The following NBEA variants were observed in gnomAD, a reference collection of about 807,000 sequenced individuals.
NBEA encodes the protein neurobeachin, also known as lysosomal-trafficking regulator 2.
In NBEA, 44 loss-of-function variants were observed where a neutral mutation model predicts 343.4. The ratio of observed to expected loss-of-function variants is 0.13; its 90% CI spans 0.10 to 0.16. The LOEUF is 0.16. NBEA is among the 10% of genes least tolerant of loss of function. The probability of loss-of-function intolerance (pLI) is 1.00; values close to 1 mark genes in which losing one functional copy is unlikely to be tolerated. For missense variants in NBEA, 2,555 were observed against 3,631.3 expected, an observed-to-expected ratio of 0.70 and a Z score of 7.62; for synonymous variants, 1,175 against 1,238.7, an observed-to-expected ratio of 0.95 and a Z score of 1.08.
intron 10 of NBEA, among the ~76,000 whole-genome samples, chr13:35,079,594 C>CACTAATAAAAGTGTAGATAGTAT (rs2064281718): frequency 6.6e-6 from 1 of 152,102 alleles, no homozygotes; most frequent in South Asian, 2.1e-4. Context: ...CTTAGTATAC[C>CACTAATAAAAGTGTAGATAGTAT]ACTAATAAAA....
chr13:35,512,203 A>G (rs2077302484), intron 41 of NBEA, among the ~76,000 whole-genome samples: 1 of 152,214 alleles, frequency 6.6e-6, no homozygotes, highest in South Asian at 2.1e-4. Context: ...TCGTGAACCC[A>G]TAGCTTCCCA....
At chr13:34,958,946 C>G (rs2059578909) in intron 1 of NBEA, among the ~76,000 whole-genome samples, 1 of 152,154 alleles carries the variant, frequency 6.6e-6, no homozygotes, top group South Asian at 2.1e-4. Flanking sequence ...TATGTCAAAC[C>G]TTTCTTTTTC....
rs766372809 is a variant in NBEA, at chr13:35,156,146, T to C, written c.2591T>C (p.Val864Ala). 1 of 1,592,164 alleles carries C rather than the reference T, an allele frequency of 6.3e-7. No individual in the cohort carries two copies. Among genetic ancestry groups the C allele is most frequent in the Non-Finnish European group, 8.5e-7 (1 of 1,170,252 alleles). The stretch of plus-strand genomic sequence containing the variant: ...ACACCAAGTGCAGAGCTGATGGAAG[T>C]TCGTCGTTTATTTTTATCTGATATG... The part of the protein sequence containing the change: ...NSTPSAELME[V>A]RRLFLSDMIK... The change falls in exon 20 of 59, where the codon GTT becomes GCT. Residue 864 changes from valine (V) to alanine (A), a missense_variant. Coordinates refer to ENST00000379939, the MANE Select transcript of NBEA (RefSeq NM_001385012.1).
At chr13:35,617,387 A>C (rs1412659473) in intron 48 of NBEA, among the ~76,000 whole-genome samples, 1 of 152,218 alleles carries the variant, frequency 6.6e-6, no homozygotes, top group Non-Finnish European at 1.5e-5. Context: ...GAAATGGATC[A>C]CGTGTAGGAG....
chr13:35,204,794 CTA>C (rs1293296282), intron 31 of NBEA, among the ~76,000 whole-genome samples: 1 of 152,052 alleles, frequency 6.6e-6, no homozygotes, highest in Non-Finnish European at 1.5e-5. Flanking sequence ...TATGTTCACT[CTA>C]AAAAAATGTT....
chr13:35,041,217 A>G (rs1454634950), intron 2 of NBEA, 53 bp downstream of exon 2: 3 of 1,368,078 alleles, frequency 2.2e-6, no homozygotes, highest in East Asian at 2.4e-5. Flanking sequence ...AAAGTTTCAC[A>G]TACTTCTCTT....
At chr13:35,099,874 A>G (rs1442178384) in intron 11 of NBEA, among the ~76,000 whole-genome samples, 4 of 152,134 alleles carry the variant, frequency 2.6e-5, no homozygotes, top group Non-Finnish European at 4.4e-5. Flanking sequence ...TTTGAAAATT[A>G]AAGTGGGATT....
intron 10 of NBEA, among the ~76,000 whole-genome samples, chr13:35,098,086 A>G (rs1190646732): frequency 6.6e-6 from 1 of 152,162 alleles, no homozygotes; most frequent in Non-Finnish European, 1.5e-5. Context: ...GATTCAGTTT[A>G]TTATATTTAA....
chr13:35,440,039 G>T (rs1404086605), intron 39 of NBEA, among the ~76,000 whole-genome samples: 1 of 151,944 alleles, frequency 6.6e-6, no homozygotes. Flanking sequence ...GCCACCACGC[G>T]CAGCTAATTT....
chr13:35,002,236 G>T (rs1238846796), intron 1 of NBEA, among the ~76,000 whole-genome samples: 1 of 152,154 alleles, frequency 6.6e-6, no homozygotes, highest in African/African-American at 2.4e-5. Context: ...CTGTGGAAAG[G>T]TCTGAGAGAA....
At chr13:34,992,355 A>C (rs2060792454) in intron 1 of NBEA, among the ~76,000 whole-genome samples, 1 of 148,774 alleles carries the variant, frequency 6.7e-6, no homozygotes, top group Non-Finnish European at 1.5e-5. Flanking sequence ...TCTGGATTCA[A>C]GCTGTTCTCC....
At chr13:35,434,507 T>G (rs2045311794) in intron 39 of NBEA, among the ~76,000 whole-genome samples, 1 of 152,190 alleles carries the variant, frequency 6.6e-6, no homozygotes, top group Non-Finnish European at 1.5e-5. Flanking sequence ...CAGTAAAATA[T>G]TCAGGGAATC....
intron 41 of NBEA, among the ~76,000 whole-genome samples, chr13:35,513,302 A>ATTTT (rs754363500): frequency 2.8e-5 from 2 of 72,292 alleles, no homozygotes; most frequent in Non-Finnish European, 2.5e-5. Context: ...ACACCTGGCA[A>ATTTT]TTTTTTTTTT....
intron 41 of NBEA, among the ~76,000 whole-genome samples, chr13:35,530,902 A>G (rs963952375): frequency 2.6e-5 from 4 of 152,212 alleles, no homozygotes; most frequent in African/African-American, 9.7e-5. Flanking sequence ...ACTGCCAGAA[A>G]TTTAAGCTGT....
chr13:35,586,231 G>T (rs2081288813), intron 46 of NBEA, among the ~76,000 whole-genome samples: 1 of 152,082 alleles, frequency 6.6e-6, no homozygotes, highest in Non-Finnish European at 1.5e-5. Flanking sequence ...TCTTCCTTAG[G>T]CATTCTCTCC....
chr13:35,323,371 A>G (rs1173067913), intron 36 of NBEA, among the ~76,000 whole-genome samples: 8 of 151,796 alleles, frequency 5.3e-5, no homozygotes. Flanking sequence ...ACACCATGGA[A>G]TACTATGCAG....
chr13:35,602,487 C>G (rs2082097952), intron 47 of NBEA, among the ~76,000 whole-genome samples: 1 of 152,180 alleles, frequency 6.6e-6, no homozygotes, highest in Admixed American at 6.5e-5. Context: ...ACTGATAGCT[C>G]TGGTGTTTGA....
chr13:35,654,021 T>C (rs1194571239), intron 53 of NBEA, among the ~76,000 whole-genome samples: 4 of 152,252 alleles, frequency 2.6e-5, no homozygotes, highest in Non-Finnish European at 5.9e-5. Context: ...ATAGTAGTAC[T>C]TAATATTTAA....
At chr13:35,596,835 C>T (rs970897743) in intron 47 of NBEA, among the ~76,000 whole-genome samples, 2 of 151,708 alleles carry the variant, frequency 1.3e-5, no homozygotes, top group African/African-American at 2.4e-5. Context: ...GAGGTGCTCG[C>T]CACTGACTCA....
Sources: allele counts gnomAD v4.1 joint callset (sites outside exome capture counted in the v4.1 genomes callset), GRCh38; gene constraint gnomAD v4.1.1; transcripts MANE v1.5; gene names NCBI Gene and HGNC (gene_info 2026-07-23, HGNC 2026-07-21).